ZNF749: variants seen among roughly 807,000 people sequenced by gnomAD.
ZNF749 encodes zinc finger protein 749.
In ZNF749, 8 loss-of-function variants were observed where a neutral mutation model predicts 7.3. The observed-to-expected ratio is 1.10, with a 90% CI of 0.64 to 1.98. The LOEUF is 1.98. Ranked by LOEUF, ZNF749 falls within the 30% of genes most tolerant of loss-of-function variation. The probability of loss-of-function intolerance (pLI) is 0.00; values close to 1 mark genes in which losing one functional copy is unlikely to be tolerated. For synonymous variants in ZNF749, 310 were observed against 322.4 expected, an observed-to-expected ratio of 0.96 and a Z score of 0.41; for missense variants, 898 against 932.4, an observed-to-expected ratio of 0.96 and a Z score of 0.48.
intron 1 of ZNF749, among the ~76,000 whole-genome samples, chr19:57,441,411 T>C (rs1044163981): frequency 1.3e-5 from 2 of 152,146 alleles, no homozygotes; most frequent in African/African-American, 2.4e-5. Context: ...GAGTGAGTGA[T>C]GACAGAGAGG....
intron 2 of ZNF749, 77 bp from the exon 3 acceptor site, chr19:57,443,214 C>G (rs1269004547): frequency 4.6e-6 from 6 of 1,304,930 alleles, no homozygotes; most frequent in Non-Finnish European, 6.4e-6. Context: ...GTGGGTGTGT[C>G]TCACAGACAT....
upstream of ZNF749, among the ~76,000 whole-genome samples, chr19:57,431,430 G>C (rs2088898413): frequency 6.6e-6 from 1 of 152,130 alleles, no homozygotes; most frequent in Non-Finnish European, 1.5e-5. Context: ...ATTGTAATCA[G>C]AGTACATATA....
chr19:57,434,581 C>A (rs1185302923), upstream of ZNF749, among the ~76,000 whole-genome samples: 1 of 152,050 alleles, frequency 6.6e-6, no homozygotes, highest in Non-Finnish European at 1.5e-5. Context: ...TGATGTCTTA[C>A]GTCTTCCTAA....
chr19:57,429,919 C>T, the ZNF749 span, among the ~76,000 whole-genome samples: 10 of 152,268 alleles, frequency 6.6e-5, no homozygotes, highest in South Asian at 1.2e-3. This position sits in a 1 kb window ranked among gnomAD's most constrained non-coding sequence, Gnocchi z 4.2. Flanking sequence ...CTACTCTGTT[C>T]GAATGGATTT....
In ZNF749 at chr19:57,442,961, A is replaced by C. The variant is rs530554434; in HGVS notation, c.143-330A>C. Among the ~76,000 whole-genome samples the C allele has an allele frequency of 1.3e-5, 2 of 152,234 alleles. No individual in the cohort carries two copies. The highest frequency in any genetic ancestry group is 3.9e-4 in the East Asian group (2 of 5,176). On this transcript the variant is annotated intron_variant, in intron 2 of 2. Transcript: ENST00000334181. This position sits in a 1 kb window ranked among gnomAD's most constrained non-coding sequence, Gnocchi z 6.6. ...GCGTGTATCCTTCAGTAGTCCATGA[A>C]TACTCGCTCTCACACAATCAGATCT... is the stretch of plus-strand genomic sequence containing the variant.
Position 57,442,962 on chromosome 19 carries a change from T to C in ZNF749, c.143-329T>C, listed in dbSNP as rs1390030284. ...CGTGTATCCTTCAGTAGTCCATGAA[T>C]ACTCGCTCTCACACAATCAGATCTC... On this transcript the variant is annotated intron_variant, in intron 2 of 2. Coordinates refer to ENST00000334181, the MANE Select transcript of ZNF749 (RefSeq NM_001023561.4). The surrounding 1 kb of genome is among the most constrained non-coding windows in gnomAD (Gnocchi z 6.6). Among the ~76,000 whole-genome samples the C allele has an allele frequency of 6.6e-6, 1 of 152,180 alleles. No individual in the cohort carries two copies. Among genetic ancestry groups the C allele is most frequent in the African/African-American group, 2.4e-5 (1 of 41,442 alleles).
upstream of ZNF749, among the ~76,000 whole-genome samples, chr19:57,434,603 C>A (rs2088916622): frequency 6.6e-6 from 1 of 152,100 alleles, no homozygotes; most frequent in Admixed American, 6.5e-5. Context: ...TTGTTAAAAC[C>A]AAGCTGTAGA....
At chr19:57,443,231 T>C (rs1366449559) in intron 2 of ZNF749, 60 bp from the exon 3 acceptor site, 15 of 1,431,288 alleles carry the variant, frequency 1.0e-5, no homozygotes, top group African/African-American at 1.4e-5. Context: ...ACATTTGTGA[T>C]GGGGCTGTCT....
At position 57,442,660 on chromosome 19, in the gene ZNF749, C is replaced by T. The variant is rs2089004153; in HGVS notation, c.143-631C>T. ...GCAAGAGACACTCAGAAGGACTTGG[C>T]CCTGGTGGGTGAAAGCTGGGAAAGG... On this transcript the variant is annotated intron_variant, in intron 2 of 2. Coordinates refer to ENST00000334181, the MANE Select transcript of ZNF749 (RefSeq NM_001023561.4). The surrounding 1 kb of genome is among the most constrained non-coding windows in gnomAD (Gnocchi z 6.6). Among the ~76,000 whole-genome samples, 1 of 152,142 alleles carries T rather than the reference C, an allele frequency of 6.6e-6. No homozygotes were observed. Among genetic ancestry groups the T allele is most frequent in the South Asian group, 2.1e-4 (1 of 4,824 alleles).
chr19:57,444,751 G>C lies in ZNF749; in HGVS notation c.1603G>C (p.Asp535His), dbSNP rs2089040436. The C allele has an allele frequency of 6.2e-7, 1 of 1,613,594 alleles. No individual in the cohort carries two copies. The highest frequency in any genetic ancestry group is 8.5e-7 in the Non-Finnish European group (1 of 1,179,872). Residue 535 changes from aspartate (D) to histidine (H), a missense_variant, in exon 3 of 3, where the codon GAT becomes CAT. By Grantham distance (81) the Asp-to-His change is moderately conservative (BLOSUM62 -1). Coordinates refer to ENST00000334181, the MANE Select transcript of ZNF749 (RefSeq NM_001023561.4). Reference sequence around the variant, plus strand: ...AGTTCAGCATGAGAAAATCCACACTGATGCATTTTCAAAAAGGTCTGACCT... The same window carrying C: ...AGTTCAGCATGAGAAAATCCACACTCATGCATTTTCAAAAAGGTCTGACCT... The part of the protein sequence containing the change: ...HLVQHEKIHT[D>H]AFSKRSDLIQ...
In ZNF749 at chr19:57,442,116, C is replaced by T. The variant is rs2088997432; in HGVS notation, c.142+105C>T. On this transcript the variant is annotated intron_variant, in intron 2 of 2. Transcript: ENST00000334181. This position sits in a 1 kb window ranked among gnomAD's most constrained non-coding sequence, Gnocchi z 6.6. ...CACACCAGATTGTGAGTGCTACGTCCTGTCCTCTCCTGGTTTCCTGGCAAA... is the reference window on the plus strand; with the variant it reads ...CACACCAGATTGTGAGTGCTACGTCTTGTCCTCTCCTGGTTTCCTGGCAAA... 7 of 1,434,034 alleles carry T rather than the reference C, an allele frequency of 4.9e-6. 1 individual carries two copies. The South Asian group carries it at 9.5e-5, about 20-fold the overall frequency. The allele number at this position is 1,434,034 out of a possible 1,614,324, so 88.8% of individuals were successfully genotyped here.
chr19:57,443,120 A>T lies in ZNF749; in HGVS notation c.143-171A>T, dbSNP rs532200140. ...CCACCAGGATTCCCCCACTACACAC[A>T]CTTCACAGGCCCACCTCTGAACACT... On this transcript the variant is annotated intron_variant, in intron 2 of 2. Coordinates refer to ENST00000334181, the MANE Select transcript of ZNF749 (RefSeq NM_001023561.4). Among the ~76,000 whole-genome samples, 21 of 152,204 alleles carry T rather than the reference A, an allele frequency of 1.4e-4. 1 individual carries two copies. Among genetic ancestry groups the T allele is most frequent in the Admixed American group, 1.3e-3 (20 of 15,290 alleles).
In ZNF749 at chr19:57,442,338, G is replaced by A. The variant is rs2088999829; in HGVS notation, c.142+327G>A. Among the ~76,000 whole-genome samples, 2 of 152,180 alleles carry A rather than the reference G, an allele frequency of 1.3e-5. No individual in the cohort carries two copies. The highest frequency in any genetic ancestry group is 4.8e-5 in the African/African-American group (2 of 41,438). ...AAATGTGTGAAACCTCTGTCCAAGGGTTTCCCTGTTCCCCTTGCTGACATA... is the reference window on the plus strand; with the variant it reads ...AAATGTGTGAAACCTCTGTCCAAGGATTTCCCTGTTCCCCTTGCTGACATA... On this transcript the variant is annotated intron_variant, in intron 2 of 2. Transcript: ENST00000334181. This position sits in a 1 kb window ranked among gnomAD's most constrained non-coding sequence, Gnocchi z 6.6.
intron 1 of ZNF749, among the ~76,000 whole-genome samples, chr19:57,437,597 G>A (rs547957557): frequency 2.6e-5 from 4 of 151,908 alleles, no homozygotes; most frequent in East Asian, 3.9e-4. Flanking sequence ...GGTGGCGGGC[G>A]CCTGTAATCC....
chr19:57,443,795 AAAC>A lies in ZNF749; in HGVS notation c.648_650del (p.Lys216_Thr217delinsAsn), dbSNP rs1222317570. 1 of 1,614,204 alleles carries A rather than the reference AAAC, an allele frequency of 6.2e-7. No individual in the cohort carries two copies. Among genetic ancestry groups the A allele is most frequent in the South Asian group, 1.1e-5 (1 of 91,080 alleles). Reference sequence around the variant, plus strand: ...CAACATGGGCTGTTTGAGCACCAAAAAACCCATAATGGGGAGAGGCCTTATGAG... The same window carrying A: ...CAACATGGGCTGTTTGAGCACCAAAACCATAATGGGGAGAGGCCTTATGAG... On this transcript the variant is annotated inframe_deletion, in exon 3 of 3. Coordinates refer to ENST00000334181, the MANE Select transcript of ZNF749 (RefSeq NM_001023561.4).
rs778326343 is a variant in ZNF749, at chr19:57,443,877, G to A, written c.729G>A (p.Gln243=). 1.2e-6 allele frequency: 2 copies of A among 1,613,632 alleles called. No individual in the cohort carries two copies. The highest frequency in any genetic ancestry group is 1.7e-6 in the Non-Finnish European group (2 of 1,179,624). ...ACAACTCCAACCTTATTAAATATCA[G>A]CAAAATCATGCTGGAGAAAGGCCTT... The part of the protein sequence containing the change: ...FRYNSNLIKY[Q]QNHAGERPYE... The change falls in exon 3 of 3, where the codon CAG becomes CAA. Residue 243 remains glutamine, a synonymous_variant. Coordinates refer to ENST00000334181, the MANE Select transcript of ZNF749 (RefSeq NM_001023561.4).
intron 1 of ZNF749, among the ~76,000 whole-genome samples, chr19:57,437,741 A>G (rs974607127): frequency 2.2e-4 from 33 of 151,420 alleles, no homozygotes; most frequent in African/African-American, 7.8e-4. Context: ...AAAAAAAAAA[A>G]GGGAAAAATA....
rs367786292 is a variant in ZNF749 at position 57,443,455 on chromosome 19, G to A, written c.307G>A (p.Asp103Asn). The A allele has an allele frequency of 8.5e-5, 138 of 1,614,242 alleles. No homozygotes were observed. Among genetic ancestry groups the A allele is most frequent in the East Asian group, 2.2e-4 (10 of 44,888 alleles). Residue 103 changes from aspartate (D) to asparagine (N), a missense_variant, in exon 3 of 3, where the codon GAT becomes AAT. Asp to Asn is a conservative substitution (Grantham distance 23, BLOSUM62 1). Coordinates refer to ENST00000334181, the MANE Select transcript of ZNF749 (RefSeq NM_001023561.4). The stretch of plus-strand genomic sequence containing the variant: ...GGACATTCTGCACCTGGCTGAGCAC[G>A]ATGGAACACACCCTGAGCAAGGGCT... Reference protein sequence around the residue: ...LKDILHLAEHDGTHPEQGLYT... With the variant: ...LKDILHLAEHNGTHPEQGLYT...
chr19:57,441,864 G>GA, intron 1 of ZNF749, 21 bp from the exon 2 acceptor site: 4 of 1,613,918 alleles, frequency 2.5e-6, no homozygotes, highest in Non-Finnish European at 2.5e-6. Flanking sequence ...TTCATAGACT[G>GA]AAGTGTCATA....
Sources: gnomAD v4.1 joint callset for allele counts (sites outside exome capture counted in the v4.1 genomes callset) on GRCh38, gnomAD v4.1.1 for gene constraint, Gnocchi (gnomAD v3.1) non-coding constraint, MANE v1.5 for transcripts, NCBI Gene and HGNC (gene_info 2026-07-23, HGNC 2026-07-21) for gene names.